Variants in PTPRD observed in about 807,000 individuals in gnomAD.
PTPRD encodes the protein protein tyrosine phosphatase receptor type D.
In PTPRD, 34 loss-of-function variants were observed where a neutral mutation model predicts 214.5. The ratio of observed to expected loss-of-function variants is 0.16; its 90% CI spans 0.12 to 0.21. The LOEUF is 0.21. Among genes scored for constraint, PTPRD ranks in the 10% least tolerant of loss-of-function variants. The probability of loss-of-function intolerance (pLI) is 1.00; values close to 1 mark genes in which losing one functional copy is unlikely to be tolerated. For missense variants in PTPRD, 2,545 were observed against 2,398.7 expected (o/e 1.06, Z -1.27); for synonymous variants, 1,128 against 845.7 (o/e 1.33, Z -5.79).
rs568666081 is a variant in PTPRD at position 10,403,001 on chromosome 9, G to A, written c.-599-61984C>T. 4.6e-5 allele frequency among the ~76,000 whole-genome samples: 7 copies of A among 151,254 alleles called. No homozygotes were observed. The South Asian group carries it at 1.0e-3, about 22-fold the overall frequency. On this transcript the variant is annotated intron_variant, in intron 2 of 45. Coordinates refer to ENST00000381196, the MANE Select transcript of PTPRD (RefSeq NM_002839.4). Reference sequence around the variant, plus strand: ...TATTTAATTCTTAGAAACTACTGAAGAAACTGGTAGGTAACTCAATTCTCA... The same window carrying A: ...TATTTAATTCTTAGAAACTACTGAAAAAACTGGTAGGTAACTCAATTCTCA...
intron 9 of PTPRD, among the ~76,000 whole-genome samples, chr9:9,201,608 A>G (rs2099941895): frequency 1.3e-5 from 2 of 152,230 alleles, no homozygotes; most frequent in South Asian, 2.1e-4. Context: ...AGGCTCAAAC[A>G]TTGAACTTTT....
At chr9:9,044,913 T>G (rs1180674675) in intron 10 of PTPRD, among the ~76,000 whole-genome samples, 1 of 152,184 alleles carries the variant, frequency 6.6e-6, no homozygotes, top group Non-Finnish European at 1.5e-5. Flanking sequence ...AAGACAGCAC[T>G]AGTCAGGCCA....
At chr9:8,511,831 AG>A (rs1035134364) in intron 21 of PTPRD, among the ~76,000 whole-genome samples, 1 of 152,174 alleles carries the variant, frequency 6.6e-6, no homozygotes, top group Non-Finnish European at 1.5e-5. Context: ...CCCTAAAATG[AG>A]ATCATAATCC....
At chr9:9,646,918 G>A (rs1031871065) in intron 7 of PTPRD, among the ~76,000 whole-genome samples, 2 of 152,110 alleles carry the variant, frequency 1.3e-5, no homozygotes, top group Non-Finnish European at 2.9e-5. Context: ...CCACAGGTTG[G>A]CTGAAACTAT....
intron 2 of PTPRD, among the ~76,000 whole-genome samples, chr9:10,372,668 T>C (rs1012756817): frequency 6.6e-6 from 1 of 151,924 alleles, no homozygotes; most frequent in African/African-American, 2.4e-5. Context: ...GGTGAGTACA[T>C]AGTGAGTATG....
intron 3 of PTPRD, among the ~76,000 whole-genome samples, chr9:10,041,032 A>G (rs1449800509): frequency 6.6e-6 from 1 of 152,070 alleles, no homozygotes; most frequent in Non-Finnish European, 1.5e-5. Context: ...AAGTAAATGT[A>G]TTTCACTGTT....
rs1484692938 is a variant in PTPRD at position 8,917,428 on chromosome 9, C to T, written c.-104+101269G>A. On this transcript the variant is annotated intron_variant, in intron 11 of 45. Transcript: ENST00000381196. ...CTGGGATTACAAGTGTGAGCCACCG[C>T]GCCCGGCCTACATAACAGATTGTTT... Among the ~76,000 whole-genome samples the T allele has an allele frequency of 7.2e-5, 11 of 151,978 alleles. No individual in the cohort carries two copies. The East Asian group carries it at 1.2e-3, about 16-fold the overall frequency.
Position 9,889,340 on chromosome 9 carries a change from G to A in PTPRD, c.-368+49167C>T, listed in dbSNP as rs116113254. ...TAGCTAGATTTAGTCATTCCACAAT[G>A]TATATATGCTTCAAAACATCATGGC... On this transcript the variant is annotated intron_variant, in intron 5 of 45. Coordinates refer to ENST00000381196, the MANE Select transcript of PTPRD (RefSeq NM_002839.4). 1.4e-3 allele frequency among the ~76,000 whole-genome samples: 210 copies of A among 152,190 alleles called. 2 individuals are homozygous for A. Among genetic ancestry groups the A allele is most frequent in the African/African-American group, 5.0e-3 (208 of 41,520 alleles).
intron 2 of PTPRD, among the ~76,000 whole-genome samples, chr9:10,424,876 CT>C (rs979296862): frequency 6.6e-6 from 1 of 151,946 alleles, no homozygotes; most frequent in East Asian, 1.9e-4. Context: ...CTAATAATCA[CT>C]TTTTTACCAT....
intron 5 of PTPRD, among the ~76,000 whole-genome samples, chr9:9,794,561 C>A (rs1407754917): frequency 6.6e-6 from 1 of 151,964 alleles, no homozygotes; most frequent in Non-Finnish European, 1.5e-5. Flanking sequence ...GCTAATCAAA[C>A]AAGGAGAATT....
intron 6 of PTPRD, among the ~76,000 whole-genome samples, chr9:9,762,736 C>A (rs1231715169): frequency 6.6e-6 from 1 of 152,330 alleles, no homozygotes; most frequent in Non-Finnish European, 1.5e-5. Flanking sequence ...ACTCAGAACT[C>A]TTCTAGCCTT....
rs111879790 is a variant in PTPRD at position 9,430,293 on chromosome 9, C to T, written c.-236-32811G>A. On this transcript the variant is annotated intron_variant, in intron 8 of 45. Transcript: ENST00000381196. ...AGAGAGCCAAATCATGAGTGAACTC[C>T]CATTCACAATTGCTTCAAAGAGAAT... is the stretch of plus-strand genomic sequence containing the variant. Among the ~76,000 whole-genome samples, 129 of 151,970 alleles carry T rather than the reference C, an allele frequency of 8.5e-4. 1 individual carries two copies. The highest frequency in any genetic ancestry group is 2.9e-3 in the African/African-American group (122 of 41,388).
chr9:9,160,265 C>T (rs940819585), intron 10 of PTPRD, among the ~76,000 whole-genome samples: 1 of 151,978 alleles, frequency 6.6e-6, no homozygotes, highest in African/African-American at 2.4e-5. Flanking sequence ...GCTCACAGAA[C>T]AGGAGAAAAT....
chr9:10,108,866 G>C (rs2098662727), intron 3 of PTPRD, among the ~76,000 whole-genome samples: 1 of 83,000 alleles, frequency 1.2e-5, no homozygotes, highest in African/African-American at 3.7e-5. Context: ...GGCACGTAAA[G>C]AGGGTTTTTT....
In PTPRD at chr9:9,490,831, T is replaced by C. The variant is rs565583585; in HGVS notation, c.-237+83901A>G. ...GGGACAAGAAAAACTATGACACTTA[T>C]AGAAAAAAATAGCAAAAAGACAGAG... On this transcript the variant is annotated intron_variant, in intron 8 of 45. Coordinates refer to ENST00000381196, the MANE Select transcript of PTPRD (RefSeq NM_002839.4). Among the ~76,000 whole-genome samples, 12 of 151,838 alleles carry C rather than the reference T, an allele frequency of 7.9e-5. No homozygotes were observed. The East Asian group carries it at 9.7e-4, about 12-fold the overall frequency.
intron 9 of PTPRD, among the ~76,000 whole-genome samples, chr9:9,264,898 GAA>G (rs34152157): frequency 0.41 from 58,453 of 141,306 alleles, 11,728 homozygotes; most frequent in East Asian, 0.47. Flanking sequence ...AGTGATGAAA[GAA>G]AAAAAAAAAA....
At chr9:10,524,655 G>C (rs764738227) in intron 2 of PTPRD, among the ~76,000 whole-genome samples, 8 of 151,998 alleles carry the variant, frequency 5.3e-5, no homozygotes, top group Non-Finnish European at 8.8e-5. Context: ...TCAGCATTTG[G>C]ATTCAGCATA....
At chr9:8,796,357 C>T (rs1401641642) in intron 11 of PTPRD, among the ~76,000 whole-genome samples, 2 of 152,178 alleles carry the variant, frequency 1.3e-5, no homozygotes, top group Non-Finnish European at 2.9e-5. Flanking sequence ...GCCTGTGAAA[C>T]ATTTGACCTT....
intron 6 of PTPRD, among the ~76,000 whole-genome samples, chr9:9,750,101 C>A (rs1004112205): frequency 2.6e-5 from 4 of 152,166 alleles, no homozygotes; most frequent in African/African-American, 9.7e-5. Context: ...TAACATTACA[C>A]AATTACTAAT....
Sources: allele counts gnomAD v4.1 joint callset (sites outside exome capture counted in the v4.1 genomes callset), GRCh38; gene constraint gnomAD v4.1.1; transcripts MANE v1.5; gene names NCBI Gene and HGNC (gene_info 2026-07-23, HGNC 2026-07-21).